Variants in CEP128 observed in about 807,000 individuals in gnomAD.
The protein encoded by CEP128 is centrosomal protein 128kDa.
CEP128 carries 132 observed loss-of-function variants against 156.7 expected under a neutral mutation model. That is an observed-to-expected ratio of 0.84 (90% CI 0.73 to 0.97). The LOEUF is 0.97. CEP128 is among the 50% of genes least tolerant of loss of function. The pLI is 0.00. For missense variants in CEP128, 1,252 were observed against 1,281.9 expected (o/e 0.98, Z 0.36); for synonymous variants, 469 against 448.9 (o/e 1.04, Z -0.57).
intron 19 of CEP128, among the ~76,000 whole-genome samples, chr14:80,665,979 G>C (rs1469541789): frequency 1.3e-5 from 2 of 152,128 alleles, no homozygotes; most frequent in East Asian, 3.9e-4. Flanking sequence ...ATCCAAAAGA[G>C]AGAAGAGAAA....
At chr14:80,835,802 A>C (rs1214224475) in intron 12 of CEP128, among the ~76,000 whole-genome samples, 1 of 152,212 alleles carries the variant, frequency 6.6e-6, no homozygotes, top group Admixed American at 6.5e-5. Flanking sequence ...TACTGACTTT[A>C]ATTTCTCTTA....
At chr14:80,518,386 G>A (rs1458305586) in intron 23 of CEP128, among the ~76,000 whole-genome samples, 6 of 151,798 alleles carry the variant, frequency 4.0e-5, no homozygotes, top group African/African-American at 1.5e-4. Context: ...TTATGACTCA[G>A]AATATAGTCT....
At chr14:80,810,191 T>C (rs924960398) in intron 13 of CEP128, among the ~76,000 whole-genome samples, 1 of 151,052 alleles carries the variant, frequency 6.6e-6, no homozygotes, top group Non-Finnish European at 1.5e-5. Context: ...GGCATGATTG[T>C]AGACGCCTGT....
intron 9 of CEP128, among the ~76,000 whole-genome samples, chr14:80,860,585 T>C (rs1220876993): frequency 6.6e-6 from 1 of 151,980 alleles, no homozygotes; most frequent in Non-Finnish European, 1.5e-5. Context: ...TCACCAGATA[T>C]AATTTGCTTT....
At chr14:80,921,996 T>C (rs1884893677) in intron 2 of CEP128, among the ~76,000 whole-genome samples, 1 of 152,018 alleles carries the variant, frequency 6.6e-6, no homozygotes, top group African/African-American at 2.4e-5. Flanking sequence ...TCATGAATTT[T>C]CTACAATGAT....
chr14:80,615,573 A>G (rs1265943741), intron 19 of CEP128, among the ~76,000 whole-genome samples: 1 of 152,068 alleles, frequency 6.6e-6, no homozygotes, highest in Non-Finnish European at 1.5e-5. Context: ...AGACAACACA[A>G]CTCCAAGAAT....
At chr14:80,640,100 T>C (rs113266774) in intron 19 of CEP128, among the ~76,000 whole-genome samples, 53 of 152,270 alleles carry the variant, frequency 3.5e-4, no homozygotes, top group African/African-American at 1.1e-3. Context: ...ATGGAACTTA[T>C]TGTAAATGTG....
chr14:80,682,437 A>G (rs2139258659), intron 19 of CEP128, among the ~76,000 whole-genome samples: 1 of 152,360 alleles, frequency 6.6e-6, no homozygotes. Context: ...TTTGAGAAAT[A>G]TGGAATTATG....
intron 19 of CEP128, among the ~76,000 whole-genome samples, chr14:80,680,939 G>A (rs113474165): frequency 1.5e-4 from 23 of 152,114 alleles, no homozygotes; most frequent in Non-Finnish European, 2.5e-4. Context: ...TGCACCCCAC[G>A]GATCAGCCCA....
downstream of CEP128, among the ~76,000 whole-genome samples, chr14:80,488,736 A>C (rs1254713338): frequency 1.3e-5 from 2 of 152,230 alleles, no homozygotes; most frequent in Admixed American, 1.3e-4. Flanking sequence ...AACCAATCCA[A>C]ATGTCCAACA....
intron 2 of CEP128, among the ~76,000 whole-genome samples, chr14:80,935,286 C>T (rs1853865458): frequency 6.6e-6 from 1 of 152,250 alleles, no homozygotes; most frequent in Admixed American, 6.5e-5. Context: ...CACAGTGGCT[C>T]ATGCCTATAA....
chr14:80,822,466 C>T (rs1881225197), intron 13 of CEP128: 2 of 548,824 alleles, frequency 3.6e-6, no homozygotes, highest in African/African-American at 3.8e-5. Context: ...AACCCCTAAC[C>T]AACCAAAGCC....
chr14:80,533,462 GTAAA>G (rs1402738669), intron 21 of CEP128, among the ~76,000 whole-genome samples: 2 of 152,044 alleles, frequency 1.3e-5, no homozygotes, highest in Non-Finnish European at 2.9e-5. Context: ...AGCATGTTAA[GTAAA>G]TAGTTTTGCT....
intron 4 of CEP128, among the ~76,000 whole-genome samples, chr14:80,908,712 C>T (rs540829738): frequency 1.3e-5 from 2 of 152,160 alleles, no homozygotes; most frequent in Non-Finnish European, 2.9e-5. Context: ...ATGTGATAGA[C>T]ATTTTACATG....
chr14:80,865,299 T>C (rs1194418285), intron 8 of CEP128, among the ~76,000 whole-genome samples: 10 of 152,362 alleles, frequency 6.6e-5, no homozygotes, highest in Middle Eastern at 3.4e-3. Flanking sequence ...ATTGGGTGTA[T>C]ATACGTGTGT....
At chr14:80,907,028 C>T (rs28607740) in intron 4 of CEP128, among the ~76,000 whole-genome samples, 7,369 of 152,160 alleles carry the variant, frequency 0.048, 617 homozygotes, top group African/African-American at 0.17. Flanking sequence ...ATTCAGCCAG[C>T]GTTAAAAGGT....
chr14:80,834,844 G>A (rs1885991512), intron 12 of CEP128, among the ~76,000 whole-genome samples: 1 of 152,124 alleles, frequency 6.6e-6, no homozygotes, highest in African/African-American at 2.4e-5. Context: ...GAAACTTAAT[G>A]AAACTTAATG....
intron 19 of CEP128, among the ~76,000 whole-genome samples, chr14:80,614,007 A>C (rs1893111533): frequency 6.6e-6 from 1 of 152,234 alleles, no homozygotes; most frequent in African/African-American, 2.4e-5. Context: ...TTTTATGCAT[A>C]ATTTTGCAGA....
intron 19 of CEP128, among the ~76,000 whole-genome samples, chr14:80,718,194 A>C (rs544289298): frequency 7.2e-5 from 11 of 152,342 alleles, no homozygotes; most frequent in African/African-American, 2.4e-4. Flanking sequence ...TATCACCAAC[A>C]AGTCTTACAC....
Sources: allele counts gnomAD v4.1 joint callset (sites outside exome capture counted in the v4.1 genomes callset), GRCh38; gene constraint gnomAD v4.1.1; transcripts MANE v1.5; gene names NCBI Gene and HGNC (gene_info 2026-07-23, HGNC 2026-07-21).